The following SLC66A2 variants were observed in gnomAD, a reference collection of about 807,000 sequenced individuals.
SLC66A2 encodes solute carrier family 66 member 2, also known as PQ loop repeat containing 1.
SLC66A2 carries 23 observed loss-of-function variants against 25.5 expected under a neutral mutation model. The observed-to-expected ratio is 0.90, with a 90% confidence interval of 0.65 to 1.28. SLC66A2 has a LOEUF of 1.28. Among genes scored for constraint, SLC66A2 ranks in the 50% most tolerant of loss-of-function variants. SLC66A2 has a pLI of 0.00. For synonymous variants in SLC66A2, 193 were observed against 166.5 expected (o/e 1.16, Z -1.23); for missense variants, 396 against 373.1 (o/e 1.06, Z -0.51).
At chr18:79,935,876 C>T (rs1987034007) in intron 3 of SLC66A2, among the ~76,000 whole-genome samples, 1 of 152,240 alleles carries the variant, frequency 6.6e-6, no homozygotes, top group South Asian at 2.1e-4. Flanking sequence ...TCCCCAGATG[C>T]TCCTGAGGAC....
rs1462782784 is a variant in SLC66A2, at chr18:79,902,913, C to G, written c.*1063G>C. 1 of 152,546 alleles carries G rather than the reference C, an allele frequency of 6.6e-6. No homozygotes were observed. The highest frequency in any genetic ancestry group is 2.4e-5 in the African/African-American group (1 of 41,444). 9.4% of individuals were successfully genotyped at this position (152,546 alleles called of 1,614,324 possible). A position where few individuals can be genotyped will look rare whatever the true frequency, so the allele number is the denominator to read the frequency against. ...AGCCAGAAGTGAGGGAGCCAGCACA[C>G]GGGGGTGGGCAGTGGACAGGACAGG... is the stretch of plus-strand genomic sequence containing the variant. On this transcript the variant is annotated 3_prime_UTR_variant, in exon 6 of 6. Coordinates refer to ENST00000397778, the MANE Select transcript of SLC66A2 (RefSeq NM_025078.5).
intron 5 of SLC66A2, among the ~76,000 whole-genome samples, chr18:79,912,126 G>GTGGGAGTGGGAGC (rs1983295384): frequency 7.1e-6 from 1 of 141,636 alleles, no homozygotes; most frequent in Non-Finnish European, 1.5e-5. Context: ...CGGGAGCAGG[G>GTGGGAGTGGGAGC]AGGGAGTGGG....
chr18:79,928,286 C>G (rs1986207980), intron 4 of SLC66A2, among the ~76,000 whole-genome samples: 1 of 152,252 alleles, frequency 6.6e-6, no homozygotes, highest in Non-Finnish European at 1.5e-5. Flanking sequence ...CAGGACAGTT[C>G]CAGGAGTTCC....
rs1027454634 is a variant in SLC66A2 at position 79,951,035 on chromosome 18, G to A, written c.-99-10C>T. On this transcript the variant is annotated splice_polypyrimidine_tract_variant and intron_variant, in intron 1 of 5. Coordinates refer to ENST00000397778, the MANE Select transcript of SLC66A2 (RefSeq NM_025078.5). ...CCTGCGGCCTCGGGGCCTGCGGGGA[G>A]CGGGGAGCTGCTCGAGTTCCGCCCA... 5 of 788,154 alleles carry A rather than the reference G, an allele frequency of 6.3e-6. No homozygotes were observed. The highest frequency in any genetic ancestry group is 8.8e-6 in the Non-Finnish European group (5 of 568,502). The allele number at this position is 788,154 out of a possible 1,614,324, so 48.8% of individuals were successfully genotyped here.
At chr18:79,938,351 G>C (rs923673117) in intron 3 of SLC66A2, among the ~76,000 whole-genome samples, 1 of 152,122 alleles carries the variant, frequency 6.6e-6, no homozygotes, top group Non-Finnish European at 1.5e-5. Flanking sequence ...ACCGCAGTCA[G>C]CCATGGCCTG....
chr18:79,909,652 TAG>T (rs1254607147), intron 5 of SLC66A2, among the ~76,000 whole-genome samples: 7 of 61,090 alleles, frequency 1.1e-4, no homozygotes, highest in Middle Eastern at 0.017. Flanking sequence ...ATCCTCACCA[TAG>T]AGTCCCCAAC....
chr18:79,950,142 G>T (rs1432927888), intron 2 of SLC66A2, among the ~76,000 whole-genome samples: 2 of 151,942 alleles, frequency 1.3e-5, no homozygotes, highest in African/African-American at 2.4e-5. Context: ...AGGAGTTCGA[G>T]ACCAGCCTGG....
At chr18:79,911,346 C>T (rs1431963964) in intron 5 of SLC66A2, among the ~76,000 whole-genome samples, 3 of 152,348 alleles carry the variant, frequency 2.0e-5, no homozygotes, top group African/African-American at 2.4e-5. Context: ...GCCCACGCCC[C>T]GTGAGGATTC....
At chr18:79,922,080 G>A (rs1248423178) in intron 4 of SLC66A2, among the ~76,000 whole-genome samples, 1 of 151,978 alleles carries the variant, frequency 6.6e-6, no homozygotes, top group Non-Finnish European at 1.5e-5. Flanking sequence ...GGTCAAATCA[G>A]GGAGGAGCCA....
rs1315014636 is a variant in SLC66A2, at chr18:79,917,519, G to C, written c.608+1665C>G. Reference sequence around the variant, plus strand: ...GTCGCAAGCTCGGCACGCGGGCACTGCCCACAGGATCTCCAGCTGTGGGGT... The same window carrying C: ...GTCGCAAGCTCGGCACGCGGGCACTCCCCACAGGATCTCCAGCTGTGGGGT... On this transcript the variant is annotated intron_variant, in intron 5 of 5. Coordinates refer to ENST00000397778, the MANE Select transcript of SLC66A2 (RefSeq NM_025078.5). The surrounding 1 kb of genome is among the most constrained non-coding windows in gnomAD (Gnocchi z 6.0). 6.6e-6 allele frequency among the ~76,000 whole-genome samples: 1 copy of C among 152,146 alleles called. No individual in the cohort carries two copies. Among genetic ancestry groups the C allele is most frequent in the Non-Finnish European group, 1.5e-5 (1 of 68,010 alleles).
chr18:79,934,519 C>T (rs1010032311), intron 3 of SLC66A2, among the ~76,000 whole-genome samples: 6 of 152,170 alleles, frequency 3.9e-5, no homozygotes, highest in African/African-American at 1.4e-4. Context: ...CAGCTGGTTC[C>T]GCACATGCAC....
chr18:79,943,193 A>C, intron 3 of SLC66A2, 136 bp downstream of exon 3: 1 of 1,036,110 alleles, frequency 9.7e-7, no homozygotes, highest in Non-Finnish European at 1.4e-6. Flanking sequence ...TGAAAACACT[A>C]TCAGCTGGAG....
At chr18:79,950,139 C>A (rs1396327724) in intron 2 of SLC66A2, among the ~76,000 whole-genome samples, 1 of 151,926 alleles carries the variant, frequency 6.6e-6, no homozygotes, top group African/African-American at 2.4e-5. Context: ...GCCAGGAGTT[C>A]GAGACCAGCC....
At position 79,934,025 on chromosome 18, in the gene SLC66A2, A is replaced by G. The variant is rs200856728; in HGVS notation, c.338-3T>C. On this transcript the variant is annotated splice_region_variant and splice_polypyrimidine_tract_variant and intron_variant, in intron 3 of 5. Coordinates refer to ENST00000397778, the MANE Select transcript of SLC66A2 (RefSeq NM_025078.5). ...TTCTTCATCCTTGCTATCTGCAGCT[A>G]CACGTTAAAAAGGGAGACAGAAACA... 207 of 1,611,558 alleles carry G rather than the reference A, an allele frequency of 1.3e-4. No individual in the cohort carries two copies. The highest frequency in any genetic ancestry group is 2.1e-5 in the Non-Finnish European group (25 of 1,179,164).
At chr18:79,947,705 G>A (rs1216916193) in intron 2 of SLC66A2, among the ~76,000 whole-genome samples, 2 of 127,452 alleles carry the variant, frequency 1.6e-5, no homozygotes, top group African/African-American at 5.6e-5. Context: ...CATGCGTGGA[G>A]CTGGGGTTGT....
intron 5 of SLC66A2, among the ~76,000 whole-genome samples, chr18:79,914,243 T>C (rs1983654286): frequency 6.6e-6 from 1 of 152,204 alleles, no homozygotes; most frequent in Non-Finnish European, 1.5e-5. Flanking sequence ...AGTACGTGTG[T>C]GTGCACATTT....
intron 3 of SLC66A2, 70 bp from the exon 4 acceptor site, chr18:79,934,092 T>G (rs1460169046): frequency 8.3e-7 from 1 of 1,208,072 alleles, no homozygotes; most frequent in Non-Finnish European, 1.2e-6. Flanking sequence ...TTAACATGGG[T>G]AAACAGCTGT....
chr18:79,929,679 G>C (rs766359702), intron 4 of SLC66A2, among the ~76,000 whole-genome samples: 1 of 151,906 alleles, frequency 6.6e-6, no homozygotes, highest in African/African-American at 2.4e-5. Context: ...AATAACTAAA[G>C]GGATCCATGC....
At chr18:79,945,450 G>A (rs1373298556) in intron 2 of SLC66A2, among the ~76,000 whole-genome samples, 3 of 152,120 alleles carry the variant, frequency 2.0e-5, no homozygotes, top group Non-Finnish European at 4.4e-5. Context: ...CAGGCAGGCA[G>A]GCACACAAGC....
Sources: allele counts gnomAD v4.1 joint callset (sites outside exome capture counted in the v4.1 genomes callset), GRCh38; gene constraint gnomAD v4.1.1; non-coding constraint Gnocchi (gnomAD v3.1); transcripts MANE v1.5; gene names NCBI Gene and HGNC (gene_info 2026-07-23, HGNC 2026-07-21).